Variants in GPHN observed in about 807,000 individuals in gnomAD.
GPHN encodes gephyrin.
In GPHN, 17 loss-of-function variants were observed where a neutral mutation model predicts 95.5. That is an observed-to-expected ratio of 0.18 (90% CI 0.12 to 0.27). The LOEUF (loss-of-function observed/expected upper bound fraction) is 0.27, where lower values mean the gene tolerates loss of function less well. GPHN is among the 10% of genes least tolerant of loss of function. The pLI is 1.00. For missense variants in GPHN, 660 were observed against 978.1 expected, an observed-to-expected ratio of 0.67 and a Z score of 4.34; for synonymous variants, 320 against 322.5, an observed-to-expected ratio of 0.99 and a Z score of 0.08.
At position 67,180,447 on chromosome 14, in the gene GPHN, G is replaced by A. The variant is rs147601112; in HGVS notation, c.2177-357G>A. ...TACTTTGGCACTCAGTAAAGAAATG[G>A]TAGCTGCTACCATTATTGTCATTAT... On this transcript the variant is annotated intron_variant, in intron 22 of 22. Transcript: ENST00000478722. 7.2e-5 allele frequency among the ~76,000 whole-genome samples: 11 copies of A among 152,246 alleles called. No homozygotes were observed. In the East Asian group the frequency reaches 2.1e-3, roughly 29 times the overall value.
intron 1 of GPHN, among the ~76,000 whole-genome samples, chr14:66,549,250 T>G (rs905382911): frequency 4.6e-5 from 7 of 152,198 alleles, no homozygotes; most frequent in African/African-American, 1.7e-4. Context: ...GTGAACAGAT[T>G]ATTTTGTCAC....
chr14:66,735,377 A>G (rs995918292), intron 2 of GPHN, among the ~76,000 whole-genome samples: 2 of 152,220 alleles, frequency 1.3e-5, no homozygotes, highest in Non-Finnish European at 2.9e-5. Context: ...TTATTGTGGA[A>G]GAGGAAAGGA....
At chr14:67,300,840 CT>C in the GPHN span, among the ~76,000 whole-genome samples, 1,603 of 150,872 alleles carry the variant, frequency 0.011, 24 homozygotes, top group African/African-American at 0.036. Flanking sequence ...GACTGTCAGT[CT>C]TTTTTTTTAA....
the GPHN span, among the ~76,000 whole-genome samples, chr14:67,361,301 A>G: frequency 2.0e-5 from 3 of 152,222 alleles, no homozygotes; most frequent in African/African-American, 7.2e-5. Flanking sequence ...TTCAAGGAAC[A>G]ATCTCTGTCA....
intron 4 of GPHN, among the ~76,000 whole-genome samples, chr14:66,826,018 G>A (rs1027333784): frequency 1.3e-5 from 2 of 152,120 alleles, no homozygotes; most frequent in Non-Finnish European, 2.9e-5. Flanking sequence ...GCTGTCTTAA[G>A]TGTTTTAGTA....
At chr14:66,555,145 G>C (rs910070345) in intron 1 of GPHN, among the ~76,000 whole-genome samples, 1 of 151,860 alleles carries the variant, frequency 6.6e-6, no homozygotes, top group African/African-American at 2.4e-5. Flanking sequence ...AGAAGCGTAA[G>C]TACTTAACGT....
the GPHN span, among the ~76,000 whole-genome samples, chr14:67,188,867 T>C: frequency 6.6e-6 from 1 of 151,898 alleles, no homozygotes; most frequent in African/African-American, 2.4e-5. Context: ...TTTTTCTTTC[T>C]TTCAATAGAA....
chr14:67,280,845 T>TTCCC, the GPHN span, among the ~76,000 whole-genome samples: 26 of 113,278 alleles, frequency 2.3e-4, no homozygotes, highest in Non-Finnish European at 4.2e-4. Flanking sequence ...CCTTCCTTCC[T>TTCCC]TCCTTCCTTC....
At chr14:66,970,204 TA>T (rs2069659824) in intron 9 of GPHN, among the ~76,000 whole-genome samples, 1 of 152,098 alleles carries the variant, frequency 6.6e-6, no homozygotes, top group Non-Finnish European at 1.5e-5. Flanking sequence ...GAAATATCTT[TA>T]TATGAGGGAT....
At chr14:67,097,279 T>G (rs571853154) in intron 12 of GPHN, among the ~76,000 whole-genome samples, 2 of 152,180 alleles carry the variant, frequency 1.3e-5, no homozygotes, top group East Asian at 3.9e-4. Flanking sequence ...AGCTAAAAAA[T>G]CTTTAATCAG....
At chr14:67,669,664 CA>C in the GPHN span, among the ~76,000 whole-genome samples, 1 of 152,184 alleles carries the variant, frequency 6.6e-6, no homozygotes, top group African/African-American at 2.4e-5. Flanking sequence ...TTCTCATCCA[CA>C]ACCCAAACTC....
chr14:67,646,691 T>C, the GPHN span: 4 of 1,613,730 alleles, frequency 2.5e-6, no homozygotes, highest in Non-Finnish European at 3.4e-6. Context: ...GTATCTCTTC[T>C]GCAAGTATTG....
intron 1 of GPHN, among the ~76,000 whole-genome samples, chr14:66,561,375 CTT>C (rs1417113707): frequency 6.6e-6 from 1 of 152,080 alleles, no homozygotes; most frequent in East Asian, 1.9e-4. Flanking sequence ...GTCCTGGACT[CTT>C]TTTGGTTGAT....
chr14:67,581,151 T>C, the GPHN span: 3 of 691,422 alleles, frequency 4.3e-6, no homozygotes, highest in Non-Finnish European at 7.8e-6. Flanking sequence ...CCCACAGATA[T>C]AACACTGCCT....
At chr14:66,917,019 A>G (rs1035755716) in intron 6 of GPHN, among the ~76,000 whole-genome samples, 6 of 152,232 alleles carry the variant, frequency 3.9e-5, no homozygotes, top group African/African-American at 1.4e-4. Context: ...CACTAAAGCC[A>G]TTACATACAT....
intron 11 of GPHN, among the ~76,000 whole-genome samples, chr14:67,070,313 T>C (rs1161218590): frequency 1.4e-5 from 2 of 142,652 alleles, no homozygotes; most frequent in East Asian, 2.0e-4. Flanking sequence ...TATATATATA[T>C]ACATTTTAAA....
intron 8 of GPHN, among the ~76,000 whole-genome samples, chr14:66,935,540 G>T (rs1408461680): frequency 2.7e-5 from 4 of 150,934 alleles, no homozygotes; most frequent in Non-Finnish European, 5.9e-5. Context: ...TGTATGTTAT[G>T]TTTATCAAAC....
At chr14:67,440,348 T>A in the GPHN span, among the ~76,000 whole-genome samples, 1 of 152,118 alleles carries the variant, frequency 6.6e-6, no homozygotes, top group African/African-American at 2.4e-5. Context: ...ATGGCTCGAA[T>A]ATACAGGTGG....
At chr14:67,371,139 G>T in the GPHN span, among the ~76,000 whole-genome samples, 1 of 152,152 alleles carries the variant, frequency 6.6e-6, no homozygotes, top group South Asian at 2.1e-4. Flanking sequence ...GGTAGGCCAG[G>T]CACGGTGGCT....
Sources: allele counts gnomAD v4.1 joint callset (sites outside exome capture counted in the v4.1 genomes callset), GRCh38; gene constraint gnomAD v4.1.1; transcripts MANE v1.5; gene names NCBI Gene and HGNC (gene_info 2026-07-23, HGNC 2026-07-21).